The following NBEAL1 variants were observed in gnomAD, a reference collection of about 807,000 sequenced individuals.
NBEAL1 encodes neurobeachin like 1, also known as neurobeachin-like protein 1.
Under a neutral mutation model 351.3 loss-of-function variants are expected in NBEAL1, and 273 were observed. The ratio of observed to expected loss-of-function variants is 0.78; its 90% CI spans 0.70 to 0.86. NBEAL1 has a LOEUF of 0.86. NBEAL1 is among the 40% of genes least tolerant of loss of function. The pLI is 0.00. For missense variants in NBEAL1, 2,961 were observed against 3,201.3 expected (o/e 0.92, Z 1.81); for synonymous variants, 1,050 against 1,086.4 (o/e 0.97, Z 0.66).
intron 16 of NBEAL1, 77 bp from the exon 17 acceptor site, chr2:203,112,938 A>G (rs1160045728): frequency 4.0e-6 from 5 of 1,264,320 alleles, no homozygotes; most frequent in Admixed American, 6.9e-5. Context: ...TTTATGTACT[A>G]TTTTATTGTG....
chr2:203,185,528 C>A (rs930800862), intron 44 of NBEAL1, among the ~76,000 whole-genome samples: 1 of 152,036 alleles, frequency 6.6e-6, no homozygotes, highest in Admixed American at 6.6e-5. Context: ...AAAAGTATAA[C>A]AATAAAAAGA....
intron 49 of NBEAL1, 23 bp downstream of exon 49, chr2:203,199,470 C>A: frequency 8.2e-7 from 1 of 1,213,802 alleles, no homozygotes; most frequent in Non-Finnish European, 1.2e-6. Flanking sequence ...ATATGTAAAG[C>A]AAAATAGCTA....
intron 31 of NBEAL1, among the ~76,000 whole-genome samples, chr2:203,140,137 C>T (rs942164252): frequency 7.3e-5 from 11 of 151,670 alleles, no homozygotes; most frequent in African/African-American, 1.9e-4. Flanking sequence ...CCCGTCTCTA[C>T]TAAAAATACA....
At chr2:203,214,637 T>A (rs2065867958) in intron 55 of NBEAL1, among the ~76,000 whole-genome samples, 1 of 152,068 alleles carries the variant, frequency 6.6e-6, no homozygotes, top group Non-Finnish European at 1.5e-5. Flanking sequence ...TAGCCGGGTG[T>A]GGTGGCATAT....
intron 10 of NBEAL1, among the ~76,000 whole-genome samples, chr2:203,090,060 A>T (rs932002036): frequency 2.0e-5 from 3 of 152,322 alleles, no homozygotes; most frequent in Non-Finnish European, 4.4e-5. Flanking sequence ...AAATAGGCAT[A>T]TTGAAGTTTA....
intron 2 of NBEAL1, among the ~76,000 whole-genome samples, chr2:203,028,184 ATT>A (rs925239759): frequency 3.5e-5 from 5 of 142,438 alleles, no homozygotes; most frequent in Non-Finnish European, 4.6e-5. Flanking sequence ...GCCTGGCCCA[ATT>A]TTTTTTTTTT....
chr2:203,016,079 A>G (rs577413794), intron 1 of NBEAL1, 77 bp from the exon 2 acceptor site: 2 of 227,468 alleles, frequency 8.8e-6, no homozygotes, highest in South Asian at 3.1e-4. Context: ...AAGAAGATAC[A>G]TCTTTAGTTT....
At position 203,171,935 on chromosome 2, in the gene NBEAL1, TA is replaced by T; in HGVS notation, c.6113del (p.Asn2038ThrfsTer13). ...FKASGLTQKW[V>X]NREISNFDYL... is the part of the protein sequence containing the mutation. ...CTTTTTTGTGCTGTCTAGAAATGGG[TA>T]AACAGAGAGATATCAAATTTTGACT... On this transcript the variant is annotated frameshift_variant, in exon 40 of 56. Transcript: ENST00000683969. LOFTEE classifies it high-confidence loss of function. 6.3e-7 allele frequency: 1 copy of T among 1,588,686 alleles called. No individual in the cohort carries two copies. Among genetic ancestry groups the T allele is most frequent in the South Asian group, 1.1e-5 (1 of 87,004 alleles).
chr2:203,090,049 A>G (rs1310671678), intron 10 of NBEAL1, among the ~76,000 whole-genome samples: 1 of 152,202 alleles, frequency 6.6e-6, no homozygotes, highest in African/African-American at 2.4e-5. Flanking sequence ...ACATAATTTT[A>G]AAATAGGCAT....
chr2:203,042,431 T>C (rs866440783), intron 3 of NBEAL1, among the ~76,000 whole-genome samples: 1 of 152,214 alleles, frequency 6.6e-6, no homozygotes, highest in Middle Eastern at 3.2e-3. Flanking sequence ...ATCAGCGTGT[T>C]CACTAATCAG....
Position 203,110,182 on chromosome 2 carries a change from C to T in NBEAL1, c.1982C>T (p.Ala661Val). Residue 661 changes from alanine to valine, a missense_variant, in exon 15 of 56, where the codon GCC becomes GTC. Transcript: ENST00000683969. Reference protein sequence around the residue: ...FFTGSGMGFEAFITHSGMLVV... With the variant: ...FFTGSGMGFEVFITHSGMLVV... ...ACAGGAAGTGGCATGGGTTTTGAAG[C>T]CTTTATTACCCATTCAGGTATGTTG... 6.4e-7 allele frequency: 1 copy of T among 1,551,710 alleles called. No homozygotes were observed. Among genetic ancestry groups the T allele is most frequent in the Non-Finnish European group, 8.7e-7 (1 of 1,146,852 alleles).
At position 203,144,877 on chromosome 2, in the gene NBEAL1, A is replaced by T. The variant is rs1473692315; in HGVS notation, c.5126A>T (p.Asn1709Ile). The T allele has an allele frequency of 6.2e-7, 1 of 1,601,020 alleles. No individual in the cohort carries two copies. Among genetic ancestry groups the T allele is most frequent in the Non-Finnish European group, 8.5e-7 (1 of 1,175,354 alleles). ...FEDFQEYCNS[N>I]EWQVYIEKYI... ...GATTTTCAAGAATATTGTAATTCAA[A>T]TGAATGGCAAGTTTACATTGAAAAA... is the stretch of plus-strand genomic sequence containing the variant. The change falls in exon 32 of 56, where the codon AAT becomes ATT. Residue 1709 changes from asparagine to isoleucine, a missense_variant. By Grantham distance (149) the Asn-to-Ile change is moderately radical (BLOSUM62 -3). Transcript: ENST00000683969.
chr2:203,126,571 G>A lies in NBEAL1; in HGVS notation c.3000G>A (p.Leu1000=). Residue 1000 remains leucine, a synonymous_variant, in exon 22 of 56, where the codon TTG becomes TTA. Coordinates refer to ENST00000683969, the MANE Select transcript of NBEAL1 (RefSeq NM_001378026.1). ...TTTGGTTTCAGGTGCCAAGCACCTT[G>A]ATGGATGTTAATGTGTTGATGGCAG... ...GALLQKVPST[L]MDVNVLMAVQ... The A allele has an allele frequency of 6.8e-7, 1 of 1,470,542 alleles. No individual in the cohort carries two copies. The highest frequency in any genetic ancestry group is 9.0e-7 in the Non-Finnish European group (1 of 1,111,992). 91.1% of individuals were successfully genotyped at this position (1,470,542 alleles called of 1,614,324 possible).
chr2:203,112,932 TG>T (rs2062605042), intron 16 of NBEAL1, 82 bp from the exon 17 acceptor site: 2 of 1,200,796 alleles, frequency 1.7e-6, no homozygotes, highest in South Asian at 4.3e-5. Context: ...TGTAATTTTA[TG>T]TACTATTTTA....
intron 24 of NBEAL1, 107 bp downstream of exon 24, chr2:203,128,044 G>A (rs2062983502): frequency 1.2e-6 from 1 of 813,264 alleles, no homozygotes. Flanking sequence ...AGTAAAATAT[G>A]TGTAGTGTCA....
chr2:203,206,386 C>G (rs559529238), intron 51 of NBEAL1, among the ~76,000 whole-genome samples: 42 of 152,128 alleles, frequency 2.8e-4, no homozygotes, highest in African/African-American at 1.0e-3. Context: ...CTCTCCCTCT[C>G]CCTCTCCCTC....
intron 31 of NBEAL1, among the ~76,000 whole-genome samples, chr2:203,143,009 G>T (rs960495647): frequency 2.0e-5 from 3 of 152,180 alleles, no homozygotes; most frequent in Admixed American, 6.5e-5. Flanking sequence ...AGACCTGTGT[G>T]TACAGCGCAG....
At chr2:203,096,254 G>A (rs964291947) in intron 10 of NBEAL1, among the ~76,000 whole-genome samples, 7 of 152,200 alleles carry the variant, frequency 4.6e-5, no homozygotes, top group Non-Finnish European at 7.3e-5. Flanking sequence ...TCAGGTCTCT[G>A]ATTCCAAGGC....
chr2:203,213,391 A>G (rs1215418415), intron 54 of NBEAL1, 127 bp from the exon 55 acceptor site: 2 of 816,280 alleles, frequency 2.5e-6, no homozygotes, highest in Non-Finnish European at 3.8e-6. Context: ...TTCTGGACAC[A>G]AGTTCCCACA....
Sources: gnomAD v4.1 joint callset for allele counts (sites outside exome capture counted in the v4.1 genomes callset) on GRCh38, gnomAD v4.1.1 for gene constraint, MANE v1.5 for transcripts, NCBI Gene and HGNC (gene_info 2026-07-23, HGNC 2026-07-21) for gene names.